Variants in CACNA2D2 observed in about 807,000 individuals in gnomAD.
The protein encoded by CACNA2D2 is voltage-dependent calcium channel subunit alpha-2/delta-2.
CACNA2D2 carries 48 observed loss-of-function variants against 166.4 expected under a neutral mutation model. The observed-to-expected ratio is 0.29, with a 90% CI of 0.23 to 0.37. The LOEUF (loss-of-function observed/expected upper bound fraction) is 0.37, where lower values mean the gene tolerates loss of function less well. Among genes scored for constraint, CACNA2D2 ranks in the 10% least tolerant of loss-of-function variants. The pLI is 1.00. For missense variants in CACNA2D2, 1,122 were observed against 1,433.0 expected, an observed-to-expected ratio of 0.78 and a Z score of 3.50; for synonymous variants, 561 against 573.7, an observed-to-expected ratio of 0.98 and a Z score of 0.32.
chr3:50,436,300 TCA>T (rs1488642373), intron 2 of CACNA2D2, among the ~76,000 whole-genome samples: 1 of 152,198 alleles, frequency 6.6e-6, no homozygotes, highest in Non-Finnish European at 1.5e-5. Flanking sequence ...AGTTCATACC[TCA>T]GACTCTGTCA....
chr3:50,476,064 C>T, intron 2 of CACNA2D2, 54 bp downstream of exon 2: 1 of 1,425,928 alleles, frequency 7.0e-7, no homozygotes, highest in Non-Finnish European at 9.7e-7. Flanking sequence ...TGAAGCTTTT[C>T]CCCTTCCCTT....
intron 2 of CACNA2D2, among the ~76,000 whole-genome samples, chr3:50,447,653 G>A (rs1559957976): frequency 6.6e-6 from 1 of 152,160 alleles, no homozygotes; most frequent in Non-Finnish European, 1.5e-5. Flanking sequence ...ACTGGGGCAA[G>A]TGGCCTGAGT....
Position 50,375,889 on chromosome 3 carries a change from G to A in CACNA2D2, c.1774-9C>T. 6.2e-7 allele frequency: 1 copy of A among 1,612,842 alleles called. No individual in the cohort carries two copies. The highest frequency in any genetic ancestry group is 8.5e-7 in the Non-Finnish European group (1 of 1,179,956). ...ATCATGCTCCGACGGATCTGGAAGG[G>A]CCAGAGATGTGAGGGGCAGGGCCCC... On this transcript the variant is annotated splice_polypyrimidine_tract_variant and intron_variant, in intron 19 of 37. Coordinates refer to ENST00000424201, the MANE Select transcript of CACNA2D2 (RefSeq NM_006030.4). This position sits in a 1 kb window ranked among gnomAD's most constrained non-coding sequence, Gnocchi z 4.0.
intron 2 of CACNA2D2, among the ~76,000 whole-genome samples, chr3:50,475,793 C>T (rs1370873411): frequency 6.6e-6 from 1 of 152,204 alleles, no homozygotes; most frequent in African/African-American, 2.4e-5. Flanking sequence ...CCACTGACCC[C>T]TCCTGGGCCT....
At chr3:50,368,884 G>C (rs1037718573) in intron 23 of CACNA2D2, among the ~76,000 whole-genome samples, 2 of 152,208 alleles carry the variant, frequency 1.3e-5, no homozygotes, top group Admixed American at 1.3e-4. Context: ...CTTGGGGCTT[G>C]CTGCCTAGGA....
intron 24 of CACNA2D2, 113 bp from the exon 25 acceptor site, chr3:50,368,015 C>A (rs1704443470): frequency 6.1e-6 from 7 of 1,149,036 alleles, no homozygotes; most frequent in Non-Finnish European, 9.1e-6. Flanking sequence ...CTGGCCCTGG[C>A]CCAGGCCCAG....
chr3:50,445,194 C>A (rs1418706096), intron 2 of CACNA2D2, among the ~76,000 whole-genome samples: 2 of 152,174 alleles, frequency 1.3e-5, no homozygotes, highest in Non-Finnish European at 2.9e-5. Context: ...GGTCATGACC[C>A]TAAATCCTGC....
chr3:50,410,482 G>GC (rs1041149476), intron 3 of CACNA2D2, among the ~76,000 whole-genome samples: 1 of 93,812 alleles, frequency 1.1e-5, no homozygotes, highest in African/African-American at 3.9e-5. Flanking sequence ...CCCTGGGATG[G>GC]GGGGGGGGGT....
chr3:50,460,562 T>TA (rs1709545074), intron 2 of CACNA2D2, among the ~76,000 whole-genome samples: 1 of 152,158 alleles, frequency 6.6e-6, no homozygotes, highest in South Asian at 2.1e-4. Flanking sequence ...ATATTATTCT[T>TA]AAAAAGGTCC....
chr3:50,470,060 G>C (rs946183422), intron 2 of CACNA2D2, among the ~76,000 whole-genome samples: 6 of 152,194 alleles, frequency 3.9e-5, no homozygotes, highest in African/African-American at 1.4e-4. Context: ...GAAACCTGGG[G>C]GGCAACTCCG....
chr3:50,448,490 C>A (rs1044916752), intron 2 of CACNA2D2, among the ~76,000 whole-genome samples: 1 of 152,142 alleles, frequency 6.6e-6, no homozygotes, highest in African/African-American at 2.4e-5. Context: ...ACCTCAGGCC[C>A]AAGCACATGA....
intron 3 of CACNA2D2, among the ~76,000 whole-genome samples, chr3:50,403,068 C>T (rs1362595120): frequency 1.3e-5 from 2 of 152,288 alleles, no homozygotes; most frequent in Non-Finnish European, 2.9e-5. Flanking sequence ...GGCCAAGGTA[C>T]CCAAGTTCCT....
chr3:50,408,038 C>T (rs1706807460), intron 3 of CACNA2D2, among the ~76,000 whole-genome samples: 1 of 152,190 alleles, frequency 6.6e-6, no homozygotes, highest in African/African-American at 2.4e-5. Context: ...TCATTATCTG[C>T]ACCTTGCTTC....
At position 50,367,612 on chromosome 3, in the gene CACNA2D2, A is replaced by G; in HGVS notation, c.2297+30T>C. On this transcript the variant is annotated intron_variant, in intron 26 of 37. Coordinates refer to ENST00000424201, the MANE Select transcript of CACNA2D2 (RefSeq NM_006030.4). This position sits in a 1 kb window ranked among gnomAD's most constrained non-coding sequence, Gnocchi z 6.5. ...CAGATGCAGGTTCCCTGGCAGGGGC[A>G]GGGTTTGGGTAGTGGGATAGGTCAC... The G allele has an allele frequency of 6.2e-7, 1 of 1,609,592 alleles. No individual in the cohort carries two copies. The highest frequency in any genetic ancestry group is 8.5e-7 in the Non-Finnish European group (1 of 1,176,568).
intron 4 of CACNA2D2, among the ~76,000 whole-genome samples, chr3:50,391,050 G>A (rs1705863315): frequency 1.3e-5 from 2 of 152,250 alleles, no homozygotes; most frequent in African/African-American, 4.8e-5. Flanking sequence ...CTTGGCAGAG[G>A]CAGGCAGGGG....
At chr3:50,422,941 C>T (rs1417734843) in intron 3 of CACNA2D2, among the ~76,000 whole-genome samples, 1 of 152,216 alleles carries the variant, frequency 6.6e-6, no homozygotes, top group Non-Finnish European at 1.5e-5. Context: ...AGACCTGGTC[C>T]CTAAGTGGTG....
At chr3:50,392,751 C>T (rs1182395609) in intron 4 of CACNA2D2, among the ~76,000 whole-genome samples, 3 of 152,198 alleles carry the variant, frequency 2.0e-5, no homozygotes, top group African/African-American at 4.8e-5. Flanking sequence ...CCAGTCAGTC[C>T]TTTGCCAAAT....
At chr3:50,481,048 T>C (rs1288150845) in intron 1 of CACNA2D2, among the ~76,000 whole-genome samples, 1 of 143,018 alleles carries the variant, frequency 7.0e-6, no homozygotes, top group Non-Finnish European at 1.5e-5. Flanking sequence ...GATCAGAATG[T>C]GATTTAATTG....
chr3:50,495,963 C>CT (rs1370054149), intron 1 of CACNA2D2, among the ~76,000 whole-genome samples: 2 of 152,264 alleles, frequency 1.3e-5, no homozygotes, highest in Non-Finnish European at 2.9e-5. Context: ...GACGCAGCCT[C>CT]TGTTTCCTTT....
Sources: gnomAD v4.1 joint callset for allele counts (sites outside exome capture counted in the v4.1 genomes callset) on GRCh38, gnomAD v4.1.1 for gene constraint, Gnocchi (gnomAD v3.1) non-coding constraint, MANE v1.5 for transcripts, NCBI Gene and HGNC (gene_info 2026-07-23, HGNC 2026-07-21) for gene names.